The following CAMK2B variants were observed in gnomAD, a reference collection of about 807,000 sequenced individuals.
The protein encoded by CAMK2B is calcium/calmodulin dependent protein kinase II beta.
Under a neutral mutation model 93.7 loss-of-function variants are expected in CAMK2B, and 27 were observed. The observed-to-expected ratio is 0.29, with a 90% CI of 0.21 to 0.40. The LOEUF is 0.40. Among genes scored for constraint, CAMK2B ranks in the 10% least tolerant of loss-of-function variants. CAMK2B has a pLI of 1.00. For synonymous variants in CAMK2B, 374 were observed against 358.8 expected, an observed-to-expected ratio of 1.04 and a Z score of -0.48; for missense variants, 568 against 895.8, an observed-to-expected ratio of 0.63 and a Z score of 4.67.
At chr7:44,285,616 C>T (rs923024779) in intron 1 of CAMK2B, among the ~76,000 whole-genome samples, 3 of 152,066 alleles carry the variant, frequency 2.0e-5, no homozygotes, top group African/African-American at 7.2e-5. Context: ...TAAAAGAGTA[C>T]TGTTCAATTC....
intron 1 of CAMK2B, among the ~76,000 whole-genome samples, chr7:44,299,644 A>T (rs1311189461): frequency 6.6e-6 from 1 of 152,226 alleles, no homozygotes; most frequent in Non-Finnish European, 1.5e-5. Context: ...TAGAGAAAAC[A>T]ATCATTTTAG....
Position 44,286,739 on chromosome 7 carries a change from G to A in CAMK2B, c.66-2514C>T, listed in dbSNP as rs921360282. ...GCCCCTGCACCATCAGCCTAGGTCG[G>A]AGCAGTCAGCAATCGGGGAAGGCGG... On this transcript the variant is annotated intron_variant, in intron 1 of 23. Coordinates refer to ENST00000395749, the MANE Select transcript of CAMK2B (RefSeq NM_001220.5). The surrounding 1 kb of genome is among the most constrained non-coding windows in gnomAD (Gnocchi z 4.0). Among the ~76,000 whole-genome samples, 1 of 152,236 alleles carries A rather than the reference G, an allele frequency of 6.6e-6. No homozygotes were observed. The highest frequency in any genetic ancestry group is 2.4e-5 in the African/African-American group (1 of 41,468).
In CAMK2B at chr7:44,234,691, G is replaced by A. The variant is rs1252306624; in HGVS notation, c.1022-15C>T. ...TAAACTCTTGGCTGCTGCATGGGGA[G>A]GAAGAAGGTATGGTGAGTGATGGGC... On this transcript the variant is annotated splice_polypyrimidine_tract_variant and intron_variant, in intron 13 of 23. Transcript: ENST00000395749. 1.2e-6 allele frequency: 2 copies of A among 1,613,784 alleles called. No homozygotes were observed. Among genetic ancestry groups the A allele is most frequent in the East Asian group, 2.2e-5 (1 of 44,892 alleles).
At chr7:44,290,505 G>A (rs531909198) in intron 1 of CAMK2B, among the ~76,000 whole-genome samples, 2 of 152,362 alleles carry the variant, frequency 1.3e-5, no homozygotes, top group African/African-American at 4.8e-5. Context: ...TTCTTGCCTG[G>A]CTGGCCCCAG....
chr7:44,306,258 A>G (rs1427959920), intron 1 of CAMK2B, among the ~76,000 whole-genome samples: 1 of 151,834 alleles, frequency 6.6e-6, no homozygotes, highest in Non-Finnish European at 1.5e-5. Flanking sequence ...TGTCCTGTGC[A>G]GCCTCGGTGG....
Position 44,268,419 on chromosome 7 carries a change from G to A in CAMK2B, c.161-5355C>T, listed in dbSNP as rs552163118. On this transcript the variant is annotated intron_variant, in intron 2 of 23. Transcript: ENST00000395749. ...ACAGAGGAAGGGGAGACAACGCCAC[G>A]CCAGTACCAGGAGGGGCTCAAGGGC... 1.7e-4 allele frequency among the ~76,000 whole-genome samples: 26 copies of A among 152,294 alleles called. 1 individual carries two copies. The South Asian group carries it at 5.0e-3, about 29-fold the overall frequency.
At chr7:44,226,038 C>T in intron 20 of CAMK2B, 1 of 587,062 alleles carries the variant, frequency 1.7e-6, no homozygotes, top group Non-Finnish European at 2.6e-6. Context: ...AGATCCGCGC[C>T]TCCCGATCCC....
intron 17 of CAMK2B, chr7:44,230,030 T>C (rs921726327): frequency 1.3e-5 from 2 of 152,432 alleles, no homozygotes; most frequent in Non-Finnish European, 2.9e-5. Flanking sequence ...CTGGCTGTCT[T>C]CTCTTCTCCC....
intron 2 of CAMK2B, among the ~76,000 whole-genome samples, chr7:44,266,750 G>A (rs1232574695): frequency 6.6e-6 from 1 of 152,202 alleles, no homozygotes. Context: ...CTTCCTGAAG[G>A]AGGTCCCAAG....
At chr7:44,299,421 T>C (rs1037636664) in intron 1 of CAMK2B, among the ~76,000 whole-genome samples, 5 of 152,108 alleles carry the variant, frequency 3.3e-5, no homozygotes, top group African/African-American at 4.8e-5. Flanking sequence ...AGAGTTTCAG[T>C]TGGGGAAGAT....
At chr7:44,292,766 G>T (rs1011302705) in intron 1 of CAMK2B, among the ~76,000 whole-genome samples, 1 of 152,188 alleles carries the variant, frequency 6.6e-6, no homozygotes, top group Non-Finnish European at 1.5e-5. Flanking sequence ...CTATTCTTAG[G>T]ACTCAACACT....
chr7:44,306,218 G>A (rs1213544111), intron 1 of CAMK2B, among the ~76,000 whole-genome samples: 1 of 152,152 alleles, frequency 6.6e-6, no homozygotes, highest in Non-Finnish European at 1.5e-5. Flanking sequence ...AGCCACGGTG[G>A]GCTGGGCTGG....
chr7:44,297,586 G>A lies in CAMK2B; in HGVS notation c.66-13361C>T, dbSNP rs77567787. Reference sequence around the variant, plus strand: ...ATCAAAAAACAAGACCAAACTATATGTCATCTACAAGAAACCTATTTAAAC... The same window carrying A: ...ATCAAAAAACAAGACCAAACTATATATCATCTACAAGAAACCTATTTAAAC... On this transcript the variant is annotated intron_variant, in intron 1 of 23. Coordinates refer to ENST00000395749, the MANE Select transcript of CAMK2B (RefSeq NM_001220.5). Among the ~76,000 whole-genome samples the A allele has an allele frequency of 3.4e-3, 524 of 152,212 alleles. 3 individuals are homozygous for A. The highest frequency in any genetic ancestry group is 0.012 in the African/African-American group (500 of 41,534).
At chr7:44,223,241 G>A (rs2096434259) in intron 20 of CAMK2B, among the ~76,000 whole-genome samples, 1 of 152,188 alleles carries the variant, frequency 6.6e-6, no homozygotes, top group Admixed American at 6.5e-5. Flanking sequence ...GTCCCTATCT[G>A]GAAAGGCCCT....
At chr7:44,249,005 GA>G (rs2096755802) in intron 5 of CAMK2B, among the ~76,000 whole-genome samples, 1 of 152,038 alleles carries the variant, frequency 6.6e-6, no homozygotes, top group Admixed American at 6.6e-5. Flanking sequence ...CCCATTTGTT[GA>G]AACATCCTCC....
intron 13 of CAMK2B, among the ~76,000 whole-genome samples, chr7:44,236,091 T>C (rs1227927485): frequency 6.6e-6 from 1 of 152,170 alleles, no homozygotes; most frequent in Non-Finnish European, 1.5e-5. Flanking sequence ...TGGACATCTG[T>C]TCCATAAGCC....
In CAMK2B at chr7:44,248,374, C is replaced by A. The variant is rs532563164; in HGVS notation, c.342-1182G>T. ...CCCTGCACACACCGAGAGCCCGTGGCTTGAATCTGCTTCTGCCCAGGTGCC... is the reference window on the plus strand; with the variant it reads ...CCCTGCACACACCGAGAGCCCGTGGATTGAATCTGCTTCTGCCCAGGTGCC... On this transcript the variant is annotated intron_variant, in intron 5 of 23. Transcript: ENST00000395749. The surrounding 1 kb of genome is among the most constrained non-coding windows in gnomAD (Gnocchi z 4.1). Among the ~76,000 whole-genome samples, 1 of 152,178 alleles carries A rather than the reference C, an allele frequency of 6.6e-6. No individual in the cohort carries two copies. The highest frequency in any genetic ancestry group is 2.4e-5 in the African/African-American group (1 of 41,430).
chr7:44,247,252 C>T (rs1445621893), intron 5 of CAMK2B, 60 bp from the exon 6 acceptor site: 1 of 1,429,304 alleles, frequency 7.0e-7, no homozygotes, highest in Non-Finnish European at 9.9e-7. Flanking sequence ...AGAGGAGGCA[C>T]TGGGGGCAGG....
intron 2 of CAMK2B, among the ~76,000 whole-genome samples, chr7:44,279,794 G>A (rs376156173): frequency 6.6e-6 from 1 of 152,214 alleles, no homozygotes; most frequent in African/African-American, 2.4e-5. Context: ...TAGGGGTTGT[G>A]AGGTTAATTT....
Sources: allele counts gnomAD v4.1 joint callset (sites outside exome capture counted in the v4.1 genomes callset), GRCh38; gene constraint gnomAD v4.1.1; non-coding constraint Gnocchi (gnomAD v3.1); transcripts MANE v1.5; gene names NCBI Gene and HGNC (gene_info 2026-07-23, HGNC 2026-07-21).